The following PSD2 variants were observed in gnomAD, a reference collection of about 807,000 sequenced individuals.
PSD2 encodes PH and SEC7 domain-containing protein 2.
In PSD2, 38 loss-of-function variants were observed where a neutral mutation model predicts 69.8. That is an observed-to-expected ratio of 0.54 (90% CI 0.42 to 0.71). The LOEUF (loss-of-function observed/expected upper bound fraction) is 0.71. Ranked by LOEUF, PSD2 falls within the 30% of genes least tolerant of loss-of-function variation. PSD2 has a pLI of 0.00. For synonymous variants in PSD2, 412 were observed against 423.0 expected (o/e 0.97, Z 0.32); for missense variants, 943 against 1,014.5 (o/e 0.93, Z 0.96).
chr5:139,812,553 G>T (rs1315121222), intron 2 of PSD2, among the ~76,000 whole-genome samples: 1 of 152,206 alleles, frequency 6.6e-6, no homozygotes, highest in African/African-American at 2.4e-5. Flanking sequence ...TGGGGCTGGG[G>T]ATCATACAGT....
At chr5:139,773,683 A>G in the PSD2 span, among the ~76,000 whole-genome samples, 2 of 152,142 alleles carry the variant, frequency 1.3e-5, no homozygotes, top group African/African-American at 4.8e-5. Context: ...AAGGCTGAGT[A>G]GTACTCCACT....
intron 7 of PSD2, 35 bp from the exon 8 acceptor site, chr5:139,833,667 C>T (rs1281069931): frequency 6.6e-7 from 1 of 1,523,656 alleles, no homozygotes; most frequent in South Asian, 1.1e-5. Context: ...CAGCCTCCTT[C>T]CCTACTCTTA....
At chr5:139,762,046 T>C in the PSD2 span, among the ~76,000 whole-genome samples, 6 of 152,332 alleles carry the variant, frequency 3.9e-5, no homozygotes, top group East Asian at 1.2e-3. Context: ...TATTTTTATT[T>C]ATTTATCTTT....
upstream of PSD2, among the ~76,000 whole-genome samples, chr5:139,794,775 C>T (rs527730514): frequency 6.6e-6 from 1 of 152,322 alleles, no homozygotes; most frequent in South Asian, 2.1e-4. Context: ...AGGCACTGGG[C>T]CTGCTCCCCA....
At chr5:139,811,467 G>C (rs903992254) in intron 2 of PSD2, among the ~76,000 whole-genome samples, 1 of 152,166 alleles carries the variant, frequency 6.6e-6, no homozygotes, top group Non-Finnish European at 1.5e-5. Flanking sequence ...TGCAGAGGGA[G>C]GGGAGTGCTT....
At chr5:139,776,857 A>G in the PSD2 span, among the ~76,000 whole-genome samples, 1 of 152,130 alleles carries the variant, frequency 6.6e-6, no homozygotes, top group Non-Finnish European at 1.5e-5. Flanking sequence ...TGGCCAGCCT[A>G]TAAATCCCCT....
the PSD2 span, among the ~76,000 whole-genome samples, chr5:139,782,642 G>A: frequency 2.3e-4 from 35 of 151,942 alleles, no homozygotes; most frequent in African/African-American, 8.5e-4. Flanking sequence ...ACAGGCGCAT[G>A]CCACTACGCC....
chr5:139,765,185 G>A, the PSD2 span, among the ~76,000 whole-genome samples: 1 of 151,898 alleles, frequency 6.6e-6, no homozygotes. Flanking sequence ...CCTTCTGCTC[G>A]CTATCTTCAC....
chr5:139,808,120 C>A (rs761650399), intron 1 of PSD2, among the ~76,000 whole-genome samples: 4 of 152,196 alleles, frequency 2.6e-5, no homozygotes, highest in South Asian at 2.1e-4. Context: ...CAAGGCCCAA[C>A]AAGGGGAGGA....
Position 139,839,632 on chromosome 5 carries a change from G to A in PSD2, c.1969-395G>A, listed in dbSNP as rs1760822555. On this transcript the variant is annotated intron_variant, in intron 13 of 14. Transcript: ENST00000274710. The surrounding 1 kb of genome is among the most constrained non-coding windows in gnomAD (Gnocchi z 5.1). ...GAACGCGTGTATCATATGGAGCAGGGGATAGCGGGGCCAGGCTGGCCTTGG... is the reference window on the plus strand; with the variant it reads ...GAACGCGTGTATCATATGGAGCAGGAGATAGCGGGGCCAGGCTGGCCTTGG... Among the ~76,000 whole-genome samples, 1 of 152,252 alleles carries A rather than the reference G, an allele frequency of 6.6e-6. No homozygotes were observed. The highest frequency in any genetic ancestry group is 2.1e-4 in the South Asian group (1 of 4,834).
At chr5:139,795,295 C>T (rs1759490638), upstream of PSD2, among the ~76,000 whole-genome samples, 1 of 152,186 alleles carries the variant, frequency 6.6e-6, no homozygotes, top group Admixed American at 6.5e-5. This position sits in a 1 kb window ranked among gnomAD's most constrained non-coding sequence, Gnocchi z 4.5. Flanking sequence ...ACCTTGGCCC[C>T]CCGCACTCCC....
At chr5:139,798,574 A>C (rs574573669) in intron 1 of PSD2, among the ~76,000 whole-genome samples, 1 of 152,364 alleles carries the variant, frequency 6.6e-6, no homozygotes, top group African/African-American at 2.4e-5. Flanking sequence ...AGCTGATAGT[A>C]TAGTGAACAC....
chr5:139,744,591 G>A, the PSD2 span, among the ~76,000 whole-genome samples: 1 of 152,176 alleles, frequency 6.6e-6, no homozygotes, highest in Non-Finnish European at 1.5e-5. Context: ...CTCAGAGCAC[G>A]ATGGTGGCAG....
At chr5:139,766,908 CCTTCCTTCCTTCCTTCCTTCCCTTCTTT>C in the PSD2 span, among the ~76,000 whole-genome samples, 4,439 of 64,190 alleles carry the variant, frequency 0.069, 390 homozygotes, top group South Asian at 0.096. Flanking sequence ...TCTTTCCCTC[CCTTCCTTCCTTCCTTCCTTCCCTTCTTT>C]CTTTCTTTCT....
chr5:139,836,886 G>A lies in PSD2; in HGVS notation c.1479G>A (p.Thr493=), dbSNP rs778687141. The A allele has an allele frequency of 8.7e-6, 14 of 1,614,192 alleles. No homozygotes were observed. Among genetic ancestry groups the A allele is most frequent in the Middle Eastern group, 3.3e-4 (2 of 6,062 alleles). Residue 493 remains threonine (T), a synonymous_variant, in exon 10 of 15, where the codon ACG becomes ACA. Transcript: ENST00000274710. The part of the protein sequence containing the change: ...DKFGTGTKKV[T]RILDGGNPFL... ...TCGGGACAGGCACGAAGAAGGTGAC[G>A]CGAATCCTGGATGGTGGCAACCCCT...
the PSD2 span, among the ~76,000 whole-genome samples, chr5:139,767,192 A>G: frequency 2.0e-5 from 3 of 150,352 alleles, no homozygotes; most frequent in African/African-American, 7.4e-5. Context: ...GACAGATTTC[A>G]CCGTGTTAGC....
the PSD2 span, among the ~76,000 whole-genome samples, chr5:139,770,538 C>T: frequency 1.7e-4 from 26 of 152,144 alleles, no homozygotes; most frequent in African/African-American, 6.0e-4. Flanking sequence ...TACACTCCAG[C>T]CTGGGCAACA....
At chr5:139,761,679 G>C in the PSD2 span, among the ~76,000 whole-genome samples, 1 of 152,292 alleles carries the variant, frequency 6.6e-6, no homozygotes, top group South Asian at 2.1e-4. Context: ...ACCCTTGCTT[G>C]GAGGAGGAGA....
At chr5:139,815,768 C>T (rs370127850) in intron 4 of PSD2, among the ~76,000 whole-genome samples, 4 of 151,912 alleles carry the variant, frequency 2.6e-5, no homozygotes, top group Non-Finnish European at 4.4e-5. Context: ...CCGAGGTGGG[C>T]GGATCACCTG....
Sources: gnomAD v4.1 joint callset for allele counts (sites outside exome capture counted in the v4.1 genomes callset) on GRCh38, gnomAD v4.1.1 for gene constraint, Gnocchi (gnomAD v3.1) non-coding constraint, MANE v1.5 for transcripts, NCBI Gene and HGNC (gene_info 2026-07-23, HGNC 2026-07-21) for gene names.